The following ADARB2 variants were observed in gnomAD, a reference collection of about 807,000 sequenced individuals.
ADARB2 encodes inactive double-stranded RNA-specific editase B2.
In ADARB2, 25 loss-of-function variants were observed where a neutral mutation model predicts 62.2. The observed-to-expected ratio is 0.40, with a 90% confidence interval of 0.29 to 0.56. ADARB2 has a LOEUF of 0.56. Among genes scored for constraint, ADARB2 ranks in the 20% least tolerant of loss-of-function variants. The pLI, the probability that ADARB2 is intolerant of heterozygous loss-of-function variation, is 0.43. For synonymous variants in ADARB2, 572 were observed against 500.8 expected, an observed-to-expected ratio of 1.14 and a Z score of -1.90; for missense variants, 1,071 against 1,077.4, an observed-to-expected ratio of 0.99 and a Z score of 0.08.
intron 1 of ADARB2, among the ~76,000 whole-genome samples, chr10:1,721,704 ATAT>A (rs1411139502): frequency 6.6e-6 from 1 of 152,204 alleles, no homozygotes; most frequent in Non-Finnish European, 1.5e-5. Context: ...GTCACATACA[ATAT>A]TATCTCAATG....
chr10:1,632,015 C>G (rs1467561114), intron 1 of ADARB2, among the ~76,000 whole-genome samples: 1 of 152,154 alleles, frequency 6.6e-6, no homozygotes, highest in Non-Finnish European at 1.5e-5. Context: ...GGAAAAACAA[C>G]ATGGCAGTGG....
At chr10:1,680,465 G>C (rs1247830118) in intron 1 of ADARB2, among the ~76,000 whole-genome samples, 1 of 152,010 alleles carries the variant, frequency 6.6e-6, no homozygotes, top group Non-Finnish European at 1.5e-5. Flanking sequence ...GCCAGGGCTG[G>C]TCCCCATCAC....
intron 3 of ADARB2, among the ~76,000 whole-genome samples, chr10:1,352,420 C>CGCCACCCT (rs1832152835): frequency 6.6e-6 from 1 of 152,160 alleles, no homozygotes; most frequent in South Asian, 2.1e-4. Context: ...TAGAGACTGC[C>CGCCACCCT]GCCACCCTAG....
At chr10:1,616,941 A>G (rs1271100433) in intron 1 of ADARB2, among the ~76,000 whole-genome samples, 325 of 115,030 alleles carry the variant, frequency 2.8e-3, no homozygotes, top group African/African-American at 0.012. Flanking sequence ...ACTCCGCACC[A>G]CCCTGCTGTG....
rs1242558708 is a variant in ADARB2, at chr10:1,233,562, C to T, written c.1513+132G>A. The T allele has an allele frequency of 5.2e-6, 5 of 968,380 alleles. No homozygotes were observed. The South Asian group carries it at 1.1e-4, about 21-fold the overall frequency. 60.0% of individuals were successfully genotyped at this position (968,380 alleles called of 1,614,324 possible). A position where few individuals can be genotyped will look rare whatever the true frequency, so the allele number is the denominator to read the frequency against. ...ATGGTTATCCCACTAATTGTAGACT[C>T]AATCCCCTTCCAGTACCCAAGGGCC... is the stretch of plus-strand genomic sequence containing the variant. On this transcript the variant is annotated intron_variant, in intron 6 of 9. Coordinates refer to ENST00000381312, the MANE Select transcript of ADARB2 (RefSeq NM_018702.4).
At chr10:1,607,822 C>A (rs1406776846) in intron 1 of ADARB2, among the ~76,000 whole-genome samples, 1 of 152,228 alleles carries the variant, frequency 6.6e-6, no homozygotes, top group Non-Finnish European at 1.5e-5. Flanking sequence ...ACGCGGCTGA[C>A]CTCTGTGGGC....
At chr10:1,514,202 T>TATA (rs376354957) in intron 1 of ADARB2, among the ~76,000 whole-genome samples, 12 of 116,884 alleles carry the variant, frequency 1.0e-4, no homozygotes, top group Non-Finnish European at 2.0e-4. Context: ...TATATGTATA[T>TATA]TATATAAAAT....
At chr10:1,446,773 C>T (rs182613044) in intron 1 of ADARB2, among the ~76,000 whole-genome samples, 10 of 152,308 alleles carry the variant, frequency 6.6e-5, no homozygotes, top group African/African-American at 2.2e-4. Flanking sequence ...TATTATAGTG[C>T]TTGGTTCAGA....
intron 1 of ADARB2, among the ~76,000 whole-genome samples, chr10:1,723,467 C>T (rs1835122693): frequency 2.0e-5 from 3 of 152,220 alleles, no homozygotes; most frequent in African/African-American, 7.2e-5. Context: ...TCGGTAGCCA[C>T]TTGCATTCTT....
intron 1 of ADARB2, among the ~76,000 whole-genome samples, chr10:1,656,833 T>C (rs1466055090): frequency 6.6e-6 from 1 of 151,296 alleles, no homozygotes; most frequent in Non-Finnish European, 1.5e-5. Context: ...TCAAGGCTTA[T>C]TTATCCTGTT....
intron 1 of ADARB2, among the ~76,000 whole-genome samples, chr10:1,500,023 G>A (rs1006088992): frequency 8.5e-5 from 13 of 152,234 alleles, no homozygotes; most frequent in African/African-American, 2.7e-4. Context: ...CCCACAGGTT[G>A]CATATGAACT....
chr10:1,203,786 C>G (rs551699984), intron 7 of ADARB2, among the ~76,000 whole-genome samples: 1 of 152,138 alleles, frequency 6.6e-6, no homozygotes, highest in South Asian at 2.1e-4. Flanking sequence ...CTCCCTTGAC[C>G]GTTCTCTTGC....
chr10:1,402,555 T>G (rs1003811159), intron 1 of ADARB2, among the ~76,000 whole-genome samples: 3 of 152,118 alleles, frequency 2.0e-5, no homozygotes, highest in Non-Finnish European at 4.4e-5. Flanking sequence ...TGTGAATCAA[T>G]CAAAGACGGC....
At chr10:1,654,985 T>A (rs1157933303) in intron 1 of ADARB2, among the ~76,000 whole-genome samples, 5 of 152,186 alleles carry the variant, frequency 3.3e-5, no homozygotes, top group African/African-American at 1.2e-4. Context: ...GGTGGAGCCA[T>A]CAGCACAGCA....
intron 3 of ADARB2, among the ~76,000 whole-genome samples, chr10:1,343,241 C>A (rs111893929): frequency 0.024 from 3,593 of 152,176 alleles, 82 homozygotes; most frequent in East Asian, 0.11. Flanking sequence ...GACATCCATG[C>A]AGTCAATAAG....
chr10:1,633,279 A>G (rs927021347), intron 1 of ADARB2, among the ~76,000 whole-genome samples: 1 of 152,164 alleles, frequency 6.6e-6, no homozygotes, highest in Non-Finnish European at 1.5e-5. Context: ...CAGTTCCCAT[A>G]ATAAACCTCC....
At chr10:1,296,053 A>T (rs532680978) in intron 3 of ADARB2, among the ~76,000 whole-genome samples, 1 of 151,782 alleles carries the variant, frequency 6.6e-6, no homozygotes. Context: ...TCCATGTGCA[A>T]CTCCCTTTGG....
intron 4 of ADARB2, among the ~76,000 whole-genome samples, chr10:1,263,056 T>C (rs1831158316): frequency 7.0e-6 from 1 of 143,424 alleles, no homozygotes; most frequent in South Asian, 2.2e-4. Flanking sequence ...CTGCATGTTC[T>C]CACTCATAGG....
intron 8 of ADARB2, among the ~76,000 whole-genome samples, chr10:1,195,757 G>A (rs568144473): frequency 7.9e-5 from 12 of 152,304 alleles, no homozygotes; most frequent in Non-Finnish European, 1.5e-4. Flanking sequence ...GCAGCAGGGT[G>A]AGGCTTTCTA....
Sources: gnomAD v4.1 joint callset for allele counts (sites outside exome capture counted in the v4.1 genomes callset) on GRCh38, gnomAD v4.1.1 for gene constraint, MANE v1.5 for transcripts, NCBI Gene and HGNC (gene_info 2026-07-23, HGNC 2026-07-21) for gene names.